The following CCR3 variants were observed in gnomAD, a reference collection of about 807,000 sequenced individuals.
CCR3 encodes C-C motif chemokine receptor 3.
For synonymous variants in CCR3, 203 were observed against 179.2 expected, an observed-to-expected ratio of 1.13 and a Z score of -1.06; for missense variants, 419 against 437.5, an observed-to-expected ratio of 0.96 and a Z score of 0.38.
At position 46,266,178 on chromosome 3, in the gene CCR3, C is replaced by G. The variant is rs1341638329; in HGVS notation, c.1020C>G (p.Ser340Arg). Residue 340 changes from serine to arginine, a missense_variant, in exon 2 of 2, where the codon AGC becomes AGG. Ser to Arg is a moderately radical substitution (Grantham distance 110, BLOSUM62 -1). Coordinates refer to ENST00000395940, the MANE Select transcript of CCR3 (RefSeq NM_178329.3). ...CTAGTGAGAAGCTGGAAAGAACCAG[C>G]TCTGTCTCTCCATCCACAGCAGAGC... ...FLPSEKLERT[S>R]SVSPSTAEPE... 1 of 1,613,918 alleles carries G rather than the reference C, an allele frequency of 6.2e-7. No individual in the cohort carries two copies. The highest frequency in any genetic ancestry group is 8.5e-7 in the Non-Finnish European group (1 of 1,179,936).
intron 1 of CCR3, among the ~76,000 whole-genome samples, chr3:46,245,037 C>T (rs575725087): frequency 2.0e-5 from 3 of 152,210 alleles, no homozygotes; most frequent in African/African-American, 7.2e-5. Flanking sequence ...GGCTGGTGGG[C>T]GAAACCCTGT....
rs776923069 is a variant in CCR3 at position 46,265,541 on chromosome 3, C to A, written c.383C>A (p.Thr128Lys). The change falls in exon 2 of 2, where the codon ACA becomes AAA. Residue 128 changes from threonine to lysine, a missense_variant. Thr to Lys is a moderately conservative substitution (Grantham distance 78). Coordinates refer to ENST00000395940, the MANE Select transcript of CCR3 (RefSeq NM_178329.3). ...GAGATCTTTTTCATAATCCTGCTGACAATCGACAGGTACCTGGCCATTGTC... is the reference window on the plus strand; with the variant it reads ...GAGATCTTTTTCATAATCCTGCTGAAAATCGACAGGTACCTGGCCATTGTC... ...YSEIFFIILL[T>K]IDRYLAIVHA... The A allele has an allele frequency of 6.2e-7, 1 of 1,614,120 alleles. No individual in the cohort carries two copies. The highest frequency in any genetic ancestry group is 8.5e-7 in the Non-Finnish European group (1 of 1,180,010).
At chr3:46,242,439 G>A (rs1052936813), upstream of CCR3, 1 of 152,146 alleles carries the variant, frequency 6.6e-6, no homozygotes, top group African/African-American at 2.4e-5. Flanking sequence ...ACATATCAAG[G>A]ACTTCACTAA....
intron 1 of CCR3, among the ~76,000 whole-genome samples, chr3:46,261,522 C>T (rs1435159461): frequency 6.6e-6 from 1 of 152,010 alleles, no homozygotes; most frequent in Admixed American, 6.6e-5. Flanking sequence ...CTCCTCTGAC[C>T]CCAGGGAATG....
At chr3:46,254,469 C>T (rs1316656403) in intron 1 of CCR3, among the ~76,000 whole-genome samples, 1 of 144,440 alleles carries the variant, frequency 6.9e-6, no homozygotes, top group Non-Finnish European at 1.5e-5. Flanking sequence ...TTTTTCCCCC[C>T]TGGGTTCAAA....
At chr3:46,238,715 ACT>A (rs1390936903), upstream of CCR3, among the ~76,000 whole-genome samples, 3 of 152,208 alleles carry the variant, frequency 2.0e-5, no homozygotes, top group Admixed American at 6.5e-5. Flanking sequence ...TAGTCAAGGC[ACT>A]CTCTATTTCT....
chr3:46,250,983 A>G (rs970575554), intron 1 of CCR3, among the ~76,000 whole-genome samples: 8 of 151,976 alleles, frequency 5.3e-5, no homozygotes, highest in African/African-American at 1.9e-4. Flanking sequence ...TGGGGTGCAG[A>G]AATAAGGGAT....
chr3:46,259,940 C>A (rs939883451), intron 1 of CCR3, among the ~76,000 whole-genome samples: 11 of 152,104 alleles, frequency 7.2e-5, no homozygotes, highest in African/African-American at 1.9e-4. Flanking sequence ...TGTGACTGGG[C>A]AATTTACAAA....
At chr3:46,211,286 C>A (rs1043951659) in intron 2 of CCR3, among the ~76,000 whole-genome samples, 4 of 150,750 alleles carry the variant, frequency 2.7e-5, no homozygotes, top group South Asian at 2.1e-4. Flanking sequence ...GCAGCCTCAA[C>A]CTTCTGGGCT....
intron 1 of CCR3, among the ~76,000 whole-genome samples, chr3:46,261,974 C>T (rs1041900186): frequency 2.0e-5 from 3 of 152,274 alleles, no homozygotes; most frequent in South Asian, 2.1e-4. Context: ...AAAGGCTCAG[C>T]GTTGGAACCA....
intron 1 of CCR3, chr3:46,264,131 G>A (rs1700575317): frequency 5.0e-6 from 2 of 398,968 alleles, no homozygotes; most frequent in Admixed American, 8.9e-5. Context: ...AGCAGGCACT[G>A]GCCTTAGGGC....
At chr3:46,227,346 T>C (rs1293878000) in intron 2 of CCR3, among the ~76,000 whole-genome samples, 1 of 152,206 alleles carries the variant, frequency 6.6e-6, no homozygotes, top group African/African-American at 2.4e-5. Flanking sequence ...TCCCGTTTTA[T>C]TTCTGATATT....
intron 2 of CCR3, among the ~76,000 whole-genome samples, chr3:46,227,850 A>T (rs144083829): frequency 1.4e-3 from 210 of 151,700 alleles, no homozygotes; most frequent in Middle Eastern, 0.014. Context: ...CTGTTATTAA[A>T]CTTTAGTTGA....
chr3:46,246,487 C>T (rs553089301), intron 1 of CCR3, among the ~76,000 whole-genome samples: 4 of 151,854 alleles, frequency 2.6e-5, no homozygotes, highest in African/African-American at 7.3e-5. Flanking sequence ...TCGCAAGGTG[C>T]TCAGTGGGGG....
chr3:46,257,914 G>A (rs1700458585), intron 1 of CCR3, among the ~76,000 whole-genome samples: 1 of 152,134 alleles, frequency 6.6e-6, no homozygotes, highest in Admixed American at 6.6e-5. Context: ...TGGGGGAGGT[G>A]GGTAGTTGTA....
chr3:46,229,677 A>T (rs1018976898), intron 2 of CCR3, among the ~76,000 whole-genome samples: 1 of 152,192 alleles, frequency 6.6e-6, no homozygotes, highest in Non-Finnish European at 1.5e-5. Context: ...AGCTGTCAAG[A>T]TTCCTCAAAT....
At chr3:46,246,644 T>C (rs1350315412) in intron 1 of CCR3, among the ~76,000 whole-genome samples, 4 of 152,298 alleles carry the variant, frequency 2.6e-5, no homozygotes, top group Middle Eastern at 3.4e-3. Flanking sequence ...TTTGTGATTC[T>C]TCAGTTACTT....
chr3:46,231,593 C>G (rs1030054505), intron 2 of CCR3, among the ~76,000 whole-genome samples: 1 of 152,128 alleles, frequency 6.6e-6, no homozygotes, highest in Admixed American at 6.5e-5. Flanking sequence ...GCATCGTATA[C>G]TTAAAAATGT....
At chr3:46,219,839 T>C (rs1699814921) in intron 2 of CCR3, among the ~76,000 whole-genome samples, 2 of 152,088 alleles carry the variant, frequency 1.3e-5, no homozygotes, top group Admixed American at 1.3e-4. Context: ...AAAAATCATC[T>C]CAAGATGGAT....
Sources: allele counts gnomAD v4.1 joint callset (sites outside exome capture counted in the v4.1 genomes callset), GRCh38; gene constraint gnomAD v4.1.1; transcripts MANE v1.5; gene names NCBI Gene and HGNC (gene_info 2026-07-23, HGNC 2026-07-21).